The following SPRED2 variants were observed in gnomAD, a reference collection of about 807,000 sequenced individuals.
The protein encoded by SPRED2 is sprouty-related, EVH1 domain-containing protein 2.
Under a neutral mutation model 43.0 loss-of-function variants are expected in SPRED2, and 47 were observed. The observed-to-expected ratio is 1.09, with a 90% CI of 0.87 to 1.40. The LOEUF is 1.40. Among genes scored for constraint, SPRED2 ranks in the 40% most tolerant of loss-of-function variants. The probability of loss-of-function intolerance (pLI) is 0.00; values close to 1 mark genes in which losing one functional copy is unlikely to be tolerated. For missense variants in SPRED2, 561 were observed against 586.4 expected (o/e 0.96, Z 0.45); for synonymous variants, 225 against 225.7 (o/e 1.00, Z 0.03).
At chr2:65,349,914 C>T (rs866855101) in intron 1 of SPRED2, among the ~76,000 whole-genome samples, 24 of 152,212 alleles carry the variant, frequency 1.6e-4, no homozygotes, top group Middle Eastern at 3.2e-3. Flanking sequence ...GCAACAGCCC[C>T]GACAGCCAGC....
intron 1 of SPRED2, among the ~76,000 whole-genome samples, chr2:65,374,904 C>T (rs1040585672): frequency 2.0e-5 from 3 of 152,196 alleles, no homozygotes; most frequent in African/African-American, 7.2e-5. Context: ...CAGGTATCCC[C>T]AAGAGTGAGC....
At chr2:65,340,967 C>T (rs1348494910) in intron 2 of SPRED2, among the ~76,000 whole-genome samples, 2 of 149,622 alleles carry the variant, frequency 1.3e-5, no homozygotes, top group African/African-American at 5.0e-5. Flanking sequence ...GCATGGTCTC[C>T]AGTGGGCACT....
chr2:65,352,159 G>A (rs957467979), intron 1 of SPRED2, among the ~76,000 whole-genome samples: 1 of 152,234 alleles, frequency 6.6e-6, no homozygotes, highest in African/African-American at 2.4e-5. Context: ...AGACTCGATC[G>A]CAAAGATGCC....
At chr2:65,310,060 G>T (rs1256614875), downstream of SPRED2, among the ~76,000 whole-genome samples, 1 of 152,058 alleles carries the variant, frequency 6.6e-6, no homozygotes, top group African/African-American at 2.4e-5. Flanking sequence ...CTTGCAGGGA[G>T]CATGAGGGCA....
intron 1 of SPRED2, among the ~76,000 whole-genome samples, chr2:65,401,222 C>T (rs1011642294): frequency 2.6e-5 from 4 of 151,802 alleles, no homozygotes; most frequent in South Asian, 2.1e-4. Flanking sequence ...GTGATCCACC[C>T]GCCTCAGCCT....
chr2:65,408,669 CT>C (rs1355950473), intron 1 of SPRED2, among the ~76,000 whole-genome samples: 1 of 151,988 alleles, frequency 6.6e-6, no homozygotes, highest in Admixed American at 6.6e-5. Flanking sequence ...CAACCTCTGC[CT>C]TCTGGGATCA....
intron 2 of SPRED2, among the ~76,000 whole-genome samples, chr2:65,339,284 G>A (rs114008988): frequency 2.6e-5 from 4 of 151,712 alleles, no homozygotes; most frequent in Non-Finnish European, 5.9e-5. Context: ...GGAATGGAAG[G>A]GGGGGCAGGG....
chr2:65,386,251 C>T (rs1036868320), intron 1 of SPRED2, among the ~76,000 whole-genome samples: 80 of 144,008 alleles, frequency 5.6e-4, no homozygotes, highest in African/African-American at 2.0e-3. Flanking sequence ...CGCCATTGCA[C>T]TCCAGCCTGG....
chr2:65,360,079 C>CAAAAAAAAAAAAAAAAA (rs143422380), intron 1 of SPRED2, among the ~76,000 whole-genome samples: 2 of 93,696 alleles, frequency 2.1e-5, no homozygotes, highest in Non-Finnish European at 2.0e-5. Context: ...AAAAAAAAAA[C>CAAAAAAAAAAAAAAAAA]AAAAAAAAAC....
intron 1 of SPRED2, among the ~76,000 whole-genome samples, chr2:65,366,123 G>GA (rs778492576): frequency 3.3e-5 from 5 of 152,024 alleles, no homozygotes; most frequent in Non-Finnish European, 7.4e-5. Context: ...ATGGGGGTAG[G>GA]AAAAAAGCAC....
At chr2:65,410,758 C>CA (rs61170317) in intron 1 of SPRED2, among the ~76,000 whole-genome samples, 28,213 of 128,692 alleles carry the variant, frequency 0.22, 2,957 homozygotes, top group African/African-American at 0.24. Context: ...GACTCTGTCT[C>CA]AAAAAAAAAA....
At chr2:65,342,247 T>A (rs1426078272) in intron 2 of SPRED2, among the ~76,000 whole-genome samples, 1 of 145,780 alleles carries the variant, frequency 6.9e-6, no homozygotes, top group African/African-American at 2.5e-5. Flanking sequence ...ATATTTTGTA[T>A]ACGTATATTA....
In SPRED2 at chr2:65,387,237, G is replaced by A. The variant is rs553165331; in HGVS notation, c.27-42341C>T. Among the ~76,000 whole-genome samples, 516 of 152,254 alleles carry A rather than the reference G, an allele frequency of 3.4e-3. 3 individuals are homozygous for A. The highest frequency in any genetic ancestry group is 9.9e-3 in the South Asian group (48 of 4,828). The stretch of plus-strand genomic sequence containing the variant: ...GGGCAGGAATTCTACATTGCTGACC[G>A]GAACAATCTCCTCAGCCACCTCTGC... On this transcript the variant is annotated intron_variant, in intron 1 of 5. Coordinates refer to ENST00000356388, the MANE Select transcript of SPRED2 (RefSeq NM_181784.3).
chr2:65,349,168 G>A (rs903492322), intron 1 of SPRED2, among the ~76,000 whole-genome samples: 6 of 152,146 alleles, frequency 3.9e-5, no homozygotes, highest in African/African-American at 7.2e-5. Flanking sequence ...TTAGCTGGGC[G>A]TGGCGGTGCT....
chr2:65,324,448 C>T (rs1385607209), intron 4 of SPRED2, among the ~76,000 whole-genome samples: 1 of 152,136 alleles, frequency 6.6e-6, no homozygotes, highest in Non-Finnish European at 1.5e-5. Flanking sequence ...GGGTGGGAAT[C>T]AGCCTGAATG....
At chr2:65,360,433 ATAGCGAATTAACC>A (rs1674780551) in intron 1 of SPRED2, among the ~76,000 whole-genome samples, 1 of 152,268 alleles carries the variant, frequency 6.6e-6, no homozygotes. Flanking sequence ...GTGTTCGCAT[ATAGCGAATTAACC>A]TTAACACCTG....
chr2:65,345,265 T>G (rs71398629), intron 1 of SPRED2, among the ~76,000 whole-genome samples: 31,297 of 142,270 alleles, frequency 0.22, 3,760 homozygotes, highest in African/African-American at 0.36. Flanking sequence ...TGTTGTTTTT[T>G]TTTTTTTTTT....
At chr2:65,344,936 G>T in intron 1 of SPRED2, 40 bp from the exon 2 acceptor site, 1 of 1,576,260 alleles carries the variant, frequency 6.3e-7, no homozygotes, top group Non-Finnish European at 8.7e-7. Flanking sequence ...CATGACAATG[G>T]TCTGGTAGTT....
chr2:65,399,331 G>A lies in SPRED2; in HGVS notation c.26+32631C>T, dbSNP rs572293206. On this transcript the variant is annotated intron_variant, in intron 1 of 5. Transcript: ENST00000356388. ...AATACTACTACTCAGTCATAAAAAC[G>A]AACAAAATAATGGCATTTGCAGCAA... Among the ~76,000 whole-genome samples the A allele has an allele frequency of 9.5e-5, 14 of 147,762 alleles. No homozygotes were observed. The South Asian group carries it at 1.9e-3, about 20-fold the overall frequency.
Sources: allele counts gnomAD v4.1 joint callset (sites outside exome capture counted in the v4.1 genomes callset), GRCh38; gene constraint gnomAD v4.1.1; transcripts MANE v1.5; gene names NCBI Gene and HGNC (gene_info 2026-07-23, HGNC 2026-07-21).